The following CCDC171 variants were observed in gnomAD, a reference collection of about 807,000 sequenced individuals.
CCDC171 encodes the protein coiled-coil domain-containing protein 171.
In CCDC171, 177 loss-of-function variants were observed where a neutral mutation model predicts 168.2. That is an observed-to-expected ratio of 1.05 (90% confidence interval 0.93 to 1.19). The LOEUF (loss-of-function observed/expected upper bound fraction) is 1.19, where lower values mean the gene tolerates loss of function less well. Among genes scored for constraint, CCDC171 ranks in the 50% most tolerant of loss-of-function variants. The pLI is 0.00. For missense variants in CCDC171, 1,991 were observed against 1,539.0 expected, an observed-to-expected ratio of 1.29 and a Z score of -4.91; for synonymous variants, 687 against 540.8, an observed-to-expected ratio of 1.27 and a Z score of -3.75.
At chr9:15,978,473 T>A (rs3008743), downstream of CCDC171, among the ~76,000 whole-genome samples, 4 of 152,074 alleles carry the variant, frequency 2.6e-5, no homozygotes, top group Non-Finnish European at 2.9e-5. Flanking sequence ...TCAGCGTCCC[T>A]CCTGGGCTTT....
At chr9:15,639,748 A>T (rs1239811638) in intron 7 of CCDC171, among the ~76,000 whole-genome samples, 2 of 152,180 alleles carry the variant, frequency 1.3e-5, no homozygotes, top group Non-Finnish European at 2.9e-5. Flanking sequence ...ACTGGCACAG[A>T]GAACTCTGAA....
chr9:15,856,131 G>A (rs1310358807), intron 23 of CCDC171, among the ~76,000 whole-genome samples: 1 of 151,784 alleles, frequency 6.6e-6, no homozygotes, highest in East Asian at 1.9e-4. Context: ...GTTTATCTTG[G>A]AATGTCTTAA....
At chr9:15,824,969 A>G (rs1282254383) in intron 21 of CCDC171, among the ~76,000 whole-genome samples, 1 of 152,036 alleles carries the variant, frequency 6.6e-6, no homozygotes, top group Admixed American at 6.6e-5. Flanking sequence ...TGATGCATTT[A>G]TTTTACCTAG....
chr9:15,916,538 T>C (rs1297082844), intron 24 of CCDC171, among the ~76,000 whole-genome samples: 2 of 152,086 alleles, frequency 1.3e-5, no homozygotes, highest in Admixed American at 6.6e-5. Flanking sequence ...GTAGGCTTTA[T>C]GATATTTTTC....
intron 3 of CCDC171, among the ~76,000 whole-genome samples, chr9:15,990,803 C>T (rs975054404): frequency 6.6e-6 from 1 of 152,020 alleles, no homozygotes; most frequent in African/African-American, 2.4e-5. Context: ...AGGCTTTAAG[C>T]CAACAAAGAT....
At chr9:15,930,587 GTGTT>G (rs1289105345) in intron 25 of CCDC171, among the ~76,000 whole-genome samples, 3 of 151,630 alleles carry the variant, frequency 2.0e-5, no homozygotes, top group Non-Finnish European at 4.4e-5. Flanking sequence ...TACTCAGTAA[GTGTT>G]TGTTAGTGAC....
At chr9:16,015,518 A>G (rs1832988825) in intron 3 of CCDC171, among the ~76,000 whole-genome samples, 1 of 152,036 alleles carries the variant, frequency 6.6e-6, no homozygotes, top group African/African-American at 2.4e-5. Context: ...TCTCCTCTGT[A>G]TTTTCTGACT....
chr9:15,609,446 AT>A (rs1483371393), intron 6 of CCDC171, among the ~76,000 whole-genome samples: 11 of 151,960 alleles, frequency 7.2e-5, no homozygotes, highest in African/African-American at 2.4e-4. Context: ...TTATCAGTAT[AT>A]TTTTTTATAG....
At position 15,829,635 on chromosome 9, in the gene CCDC171, G is replaced by A. The variant is rs186423079; in HGVS notation, c.3268-17067G>A. 2.6e-5 allele frequency among the ~76,000 whole-genome samples: 4 copies of A among 152,170 alleles called. No homozygotes were observed. In the East Asian group the frequency reaches 7.7e-4, roughly 29 times the overall value. Reference sequence around the variant, plus strand: ...ATATTATATATGCTAAAAGAACTATGTAGGCTGGGCATGGTGGCTCACACC... The same window carrying A: ...ATATTATATATGCTAAAAGAACTATATAGGCTGGGCATGGTGGCTCACACC... On this transcript the variant is annotated intron_variant, in intron 21 of 25. Coordinates refer to ENST00000380701, the MANE Select transcript of CCDC171 (RefSeq NM_173550.4).
chr9:15,815,032 G>A (rs9406536), intron 21 of CCDC171, among the ~76,000 whole-genome samples: 66,831 of 151,956 alleles, frequency 0.44, 14,906 homozygotes, highest in African/African-American at 0.47. Flanking sequence ...GACTGGCTTA[G>A]GGGGAAAAAA....
At chr9:16,071,022 G>A in the CCDC171 span, among the ~76,000 whole-genome samples, 1 of 152,162 alleles carries the variant, frequency 6.6e-6, no homozygotes, top group Non-Finnish European at 1.5e-5. Context: ...GAATTTTTGG[G>A]ACAAGGAATT....
chr9:15,817,926 T>C lies in CCDC171; in HGVS notation c.3268-28776T>C, dbSNP rs1451047751. ...GTGGGTCCCTGACCCCTGAGTAACC[T>C]AGCTGGGAGGCATCCCCCGGTAGGG... On this transcript the variant is annotated intron_variant, in intron 21 of 25. Coordinates refer to ENST00000380701, the MANE Select transcript of CCDC171 (RefSeq NM_173550.4). Among the ~76,000 whole-genome samples the C allele has an allele frequency of 1.4e-4, 17 of 117,914 alleles. 5 individuals are homozygous for C. The highest frequency in any genetic ancestry group is 1.4e-3 in the Admixed American group (17 of 12,520). The allele number at this position is 117,914 out of a possible 152,430, so 77.4% of individuals were successfully genotyped here. A position where few individuals can be genotyped will look rare whatever the true frequency, so the allele number is the denominator to read the frequency against.
At chr9:15,625,847 C>A (rs1037082681) in intron 7 of CCDC171, among the ~76,000 whole-genome samples, 1 of 152,096 alleles carries the variant, frequency 6.6e-6, no homozygotes, top group African/African-American at 2.4e-5. Context: ...TTTTCCAATT[C>A]TGTGAAGAAA....
chr9:15,916,565 C>G (rs1169145079), intron 24 of CCDC171, among the ~76,000 whole-genome samples: 1 of 151,958 alleles, frequency 6.6e-6, no homozygotes, highest in Non-Finnish European at 1.5e-5. Flanking sequence ...TTCTTCTTCT[C>G]TTAATATCAG....
At chr9:16,011,923 G>A (rs1251255994) in intron 3 of CCDC171, among the ~76,000 whole-genome samples, 1 of 152,190 alleles carries the variant, frequency 6.6e-6, no homozygotes, top group Non-Finnish European at 1.5e-5. Context: ...CTTTGTCACC[G>A]ATACTGGGAC....
chr9:15,597,312 T>C (rs181353582), intron 6 of CCDC171, among the ~76,000 whole-genome samples: 242 of 152,274 alleles, frequency 1.6e-3, no homozygotes, highest in Middle Eastern at 3.4e-3. Flanking sequence ...TATTTTGAGA[T>C]ACGTCCCATC....
At chr9:15,623,771 T>C (rs1387997576) in intron 7 of CCDC171, among the ~76,000 whole-genome samples, 1 of 152,178 alleles carries the variant, frequency 6.6e-6, no homozygotes, top group Non-Finnish European at 1.5e-5. Context: ...GTACATAGGT[T>C]CTAAATCATA....
Position 15,853,880 on chromosome 9 carries a change from C to A in CCDC171, c.3468+4933C>A, listed in dbSNP as rs565655549. Reference sequence around the variant, plus strand: ...CATGTTGTGCCTCGCCTCCTTCATCCTACTGATGTTTTGTACTACCTAACA... The same window carrying A: ...CATGTTGTGCCTCGCCTCCTTCATCATACTGATGTTTTGTACTACCTAACA... On this transcript the variant is annotated intron_variant, in intron 23 of 25. Coordinates refer to ENST00000380701, the MANE Select transcript of CCDC171 (RefSeq NM_173550.4). 4.0e-5 allele frequency among the ~76,000 whole-genome samples: 6 copies of A among 151,614 alleles called. No individual in the cohort carries two copies. In the South Asian group the frequency reaches 1.2e-3, roughly 31 times the overall value.
At chr9:15,951,988 A>G (rs1397625016) in intron 25 of CCDC171, among the ~76,000 whole-genome samples, 2 of 152,140 alleles carry the variant, frequency 1.3e-5, no homozygotes, top group African/African-American at 2.4e-5. Context: ...TAAAAATTTT[A>G]TAATTTTTGG....
Sources: gnomAD v4.1 joint callset for allele counts (sites outside exome capture counted in the v4.1 genomes callset) on GRCh38, gnomAD v4.1.1 for gene constraint, MANE v1.5 for transcripts, NCBI Gene and HGNC (gene_info 2026-07-23, HGNC 2026-07-21) for gene names.